TSPAN18: variants seen among roughly 807,000 people sequenced by gnomAD.
TSPAN18 encodes tetraspanin-18.
A neutral mutation model predicts 27.3 loss-of-function variants in TSPAN18; 14 were observed. The observed-to-expected ratio is 0.51, with a 90% CI of 0.34 to 0.80. The LOEUF (loss-of-function observed/expected upper bound fraction) is 0.80. TSPAN18 is among the 30% of genes least tolerant of loss of function. TSPAN18 has a pLI of 0.01. For missense variants in TSPAN18, 268 were observed against 323.9 expected, an observed-to-expected ratio of 0.83 and a Z score of 1.32; for synonymous variants, 143 against 136.5, an observed-to-expected ratio of 1.05 and a Z score of -0.33.
intron 3 of TSPAN18, among the ~76,000 whole-genome samples, chr11:44,877,058 A>G (rs1300814219): frequency 1.8e-4 from 27 of 152,228 alleles, no homozygotes. Flanking sequence ...GCCCAGAGGG[A>G]GGATCTTTGT....
At chr11:44,782,116 A>G (rs372186638) in intron 2 of TSPAN18, among the ~76,000 whole-genome samples, 21 of 152,292 alleles carry the variant, frequency 1.4e-4, no homozygotes, top group Middle Eastern at 3.4e-3. Context: ...ATTGTTGTCA[A>G]TTTTTGGCTA....
intron 3 of TSPAN18, among the ~76,000 whole-genome samples, chr11:44,864,573 C>T (rs1461159863): frequency 6.6e-5 from 10 of 152,200 alleles, no homozygotes; most frequent in Admixed American, 5.9e-4. Context: ...GTTCAACCCT[C>T]CCTTGCCATC....
At chr11:44,798,287 G>A (rs375566001) in intron 2 of TSPAN18, among the ~76,000 whole-genome samples, 2 of 152,232 alleles carry the variant, frequency 1.3e-5, no homozygotes, top group Non-Finnish European at 2.9e-5. Context: ...GTGGTGAGCA[G>A]CTTTCCTGCG....
At chr11:44,823,236 G>A (rs1282081159) in intron 2 of TSPAN18, among the ~76,000 whole-genome samples, 1 of 152,174 alleles carries the variant, frequency 6.6e-6, no homozygotes, top group Non-Finnish European at 1.5e-5. Context: ...TTGCGTTATA[G>A]CTTGTACCCA....
At chr11:44,787,638 C>T (rs79254723) in intron 2 of TSPAN18, among the ~76,000 whole-genome samples, 3,855 of 152,252 alleles carry the variant, frequency 0.025, 196 homozygotes, top group African/African-American at 0.088. Context: ...AGGCTTCTTA[C>T]GAGGGTTAAA....
chr11:44,776,607 C>G (rs1320900511), intron 2 of TSPAN18, among the ~76,000 whole-genome samples: 1 of 152,052 alleles, frequency 6.6e-6, no homozygotes, highest in African/African-American at 2.4e-5. Context: ...CGTCCTTCTT[C>G]TGAGTGTTGG....
intron 1 of TSPAN18, among the ~76,000 whole-genome samples, chr11:44,762,608 T>TAC (rs1005346877): frequency 2.6e-5 from 4 of 152,196 alleles, no homozygotes; most frequent in African/African-American, 9.6e-5. Flanking sequence ...TACCTATATA[T>TAC]ACACATATGT....
chr11:44,869,143 G>A (rs1396855279), intron 3 of TSPAN18, among the ~76,000 whole-genome samples: 1 of 152,188 alleles, frequency 6.6e-6, no homozygotes, highest in Non-Finnish European at 1.5e-5. Flanking sequence ...CAGCAAGGAT[G>A]TGTGGCCTTG....
At chr11:44,799,543 A>G (rs758681961) in intron 2 of TSPAN18, among the ~76,000 whole-genome samples, 6 of 152,312 alleles carry the variant, frequency 3.9e-5, no homozygotes, top group Non-Finnish European at 8.8e-5. Context: ...TCCCAGTGGA[A>G]GAGGGCACTG....
chr11:44,851,428 C>T (rs1857597890), intron 2 of TSPAN18, among the ~76,000 whole-genome samples: 1 of 152,130 alleles, frequency 6.6e-6, no homozygotes. Context: ...TCCGTGGAGA[C>T]AGAAATAGAT....
At chr11:44,741,993 T>A (rs1276347713) in intron 1 of TSPAN18, among the ~76,000 whole-genome samples, 6 of 151,986 alleles carry the variant, frequency 3.9e-5, no homozygotes, top group Non-Finnish European at 8.8e-5. Flanking sequence ...ACCAGACCCA[T>A]ATACGTTGTA....
At chr11:44,820,224 G>C (rs959320198) in intron 2 of TSPAN18, among the ~76,000 whole-genome samples, 1 of 152,202 alleles carries the variant, frequency 6.6e-6, no homozygotes, top group South Asian at 2.1e-4. Context: ...ATTCTCATGG[G>C]TTTCAGTTAA....
At chr11:44,740,844 G>A (rs2134822060) in intron 1 of TSPAN18, among the ~76,000 whole-genome samples, 1 of 152,346 alleles carries the variant, frequency 6.6e-6, no homozygotes, top group Non-Finnish European at 1.5e-5. Context: ...GGAGGGCAGG[G>A]TTGAGATCTT....
intron 2 of TSPAN18, among the ~76,000 whole-genome samples, chr11:44,826,835 G>A (rs1590539521): frequency 2.0e-5 from 3 of 152,182 alleles, no homozygotes; most frequent in African/African-American, 7.2e-5. Flanking sequence ...TGGGGAGCCT[G>A]GGGTAGGGGC....
Position 44,904,013 on chromosome 11 carries a change from G to A in TSPAN18, c.-10-2394G>A, listed in dbSNP as rs535203541. The A allele has an allele frequency of 6.3e-5, 24 of 378,630 alleles. 1 individual carries two copies. Among genetic ancestry groups the A allele is most frequent in the South Asian group, 4.7e-4 (24 of 51,160 alleles). 23.5% of individuals were successfully genotyped at this position (378,630 alleles called of 1,614,324 possible). A position where few individuals can be genotyped will look rare whatever the true frequency, so the allele number is the denominator to read the frequency against. ...ATAAATAGTATTATTTGTAGGGGTGGAGACTTGGGTGGATGATCTCAGGAA... is the reference window on the plus strand; with the variant it reads ...ATAAATAGTATTATTTGTAGGGGTGAAGACTTGGGTGGATGATCTCAGGAA... On this transcript the variant is annotated intron_variant, in intron 3 of 9. Coordinates refer to ENST00000520358, the MANE Select transcript of TSPAN18 (RefSeq NM_130783.5).
chr11:44,816,998 G>T (rs1474589220), intron 2 of TSPAN18, among the ~76,000 whole-genome samples: 2 of 152,246 alleles, frequency 1.3e-5, no homozygotes, highest in East Asian at 3.9e-4. Context: ...TGCCACATGT[G>T]CAGTGAGCTA....
intron 2 of TSPAN18, among the ~76,000 whole-genome samples, chr11:44,856,456 CT>C (rs1857741644): frequency 2.6e-5 from 4 of 152,162 alleles, no homozygotes; most frequent in Admixed American, 2.0e-4. Flanking sequence ...CCTTCCTCAT[CT>C]TCATACATTC....
At chr11:44,871,846 T>C (rs1259290895) in intron 3 of TSPAN18, among the ~76,000 whole-genome samples, 1 of 152,164 alleles carries the variant, frequency 6.6e-6, no homozygotes, top group Non-Finnish European at 1.5e-5. Flanking sequence ...GAGTAGTGGT[T>C]AAAAGCCACT....
chr11:44,887,220 T>C (rs1858685682), intron 3 of TSPAN18, among the ~76,000 whole-genome samples: 1 of 152,200 alleles, frequency 6.6e-6, no homozygotes, highest in Admixed American at 6.5e-5. Flanking sequence ...TGATCTTGGC[T>C]CCTACTTCCC....
Sources: allele counts gnomAD v4.1 joint callset (sites outside exome capture counted in the v4.1 genomes callset), GRCh38; gene constraint gnomAD v4.1.1; transcripts MANE v1.5; gene names NCBI Gene and HGNC (gene_info 2026-07-23, HGNC 2026-07-21).